The following GALNT16 variants were observed in gnomAD, a reference collection of about 807,000 sequenced individuals.
GALNT16 encodes the protein UDP-GalNAc:polypeptide N-acetylgalactosaminyltransferase-like protein 1.
GALNT16 carries 40 observed loss-of-function variants against 76.1 expected under a neutral mutation model. That is an observed-to-expected ratio of 0.53 (90% CI 0.41 to 0.68). The LOEUF (loss-of-function observed/expected upper bound fraction) is 0.68, where lower values mean the gene tolerates loss of function less well. GALNT16 is among the 30% of genes least tolerant of loss of function. The pLI is 0.00. For synonymous variants in GALNT16, 276 were observed against 285.2 expected (o/e 0.97, Z 0.32); for missense variants, 621 against 731.9 (o/e 0.85, Z 1.75).
chr14:69,366,083 T>C, the GALNT16 span, among the ~76,000 whole-genome samples: 1 of 152,196 alleles, frequency 6.6e-6, no homozygotes, highest in Admixed American at 6.5e-5. Context: ...CAGTTGGCAT[T>C]TGATGCAAGA....
chr14:69,270,575 G>A (rs2044394661), intron 1 of GALNT16, among the ~76,000 whole-genome samples: 1 of 152,192 alleles, frequency 6.6e-6, no homozygotes, highest in Admixed American at 6.5e-5. Context: ...GATATTTCAA[G>A]GTCTTTCATG....
the GALNT16 span, chr14:69,380,183 T>G: frequency 2.8e-5 from 5 of 180,312 alleles, no homozygotes; most frequent in African/African-American, 4.7e-5. Flanking sequence ...AGGACATGGC[T>G]AAACTGCATT....
At chr14:69,380,865 AT>A in the GALNT16 span, among the ~76,000 whole-genome samples, 1 of 152,244 alleles carries the variant, frequency 6.6e-6, no homozygotes, top group Non-Finnish European at 1.5e-5. Flanking sequence ...ATGACTTAGA[AT>A]TTTTAAGTTA....
At chr14:69,338,206 G>A (rs1331291382) in intron 9 of GALNT16, among the ~76,000 whole-genome samples, 1 of 152,228 alleles carries the variant, frequency 6.6e-6, no homozygotes, top group East Asian at 1.9e-4. Flanking sequence ...CCCAAGAGGT[G>A]CCAGCTGGAG....
chr14:69,262,120 C>G (rs2044282476), intron 1 of GALNT16, among the ~76,000 whole-genome samples: 1 of 152,226 alleles, frequency 6.6e-6, no homozygotes, highest in Non-Finnish European at 1.5e-5. Context: ...GAGCCCTAGT[C>G]TCAGGCAAGG....
At chr14:69,285,110 G>A (rs927929036) in intron 1 of GALNT16, among the ~76,000 whole-genome samples, 18 of 144,710 alleles carry the variant, frequency 1.2e-4, no homozygotes, top group Admixed American at 1.2e-3. Flanking sequence ...GCAAGATCTC[G>A]GCTCACTGCA....
intron 1 of GALNT16, among the ~76,000 whole-genome samples, chr14:69,275,243 T>TAG: frequency 6.6e-6 from 1 of 152,256 alleles, no homozygotes; most frequent in East Asian, 1.9e-4. Flanking sequence ...CTCTCCAAAG[T>TAG]AGAACCCCTG....
In GALNT16 at chr14:69,319,552, A is replaced by G. The variant is rs375749922; in HGVS notation, c.178-1159A>G. ...AGTTGGGATGTACCCACAGTTGATG[A>G]TATTTCATGGCACTCTGGAGAACAT... On this transcript the variant is annotated intron_variant, in intron 1 of 14. Transcript: ENST00000448469. Among the ~76,000 whole-genome samples the G allele has an allele frequency of 1.9e-4, 29 of 152,346 alleles. No homozygotes were observed. In the South Asian group the frequency reaches 6.0e-3, roughly 32 times the overall value.
intron 1 of GALNT16, among the ~76,000 whole-genome samples, chr14:69,272,811 C>T (rs766674362): frequency 2.6e-5 from 4 of 152,198 alleles, no homozygotes; most frequent in Non-Finnish European, 5.9e-5. Flanking sequence ...GTGTTACCAT[C>T]GCCTACCATT....
At chr14:69,262,084 G>T (rs1037105638) in intron 1 of GALNT16, among the ~76,000 whole-genome samples, 1 of 152,216 alleles carries the variant, frequency 6.6e-6, no homozygotes, top group African/African-American at 2.4e-5. Context: ...AGCCCAGGCT[G>T]CCACATTCAT....
At chr14:69,301,324 C>T (rs537485606) in intron 1 of GALNT16, among the ~76,000 whole-genome samples, 116 of 152,288 alleles carry the variant, frequency 7.6e-4, no homozygotes, top group Non-Finnish European at 1.3e-3. Context: ...AGAACCATTG[C>T]CTCAGGGACA....
intron 14 of GALNT16, 89 bp downstream of exon 14, chr14:69,348,091 G>C: frequency 7.3e-7 from 1 of 1,374,000 alleles, no homozygotes; most frequent in South Asian, 1.2e-5. Flanking sequence ...GCCCCTGATT[G>C]ACTCAAATAA....
chr14:69,282,233 G>C (rs2044553185), intron 1 of GALNT16, among the ~76,000 whole-genome samples: 1 of 152,206 alleles, frequency 6.6e-6, no homozygotes, highest in African/African-American at 2.4e-5. Context: ...ACACAGTGTT[G>C]TGTGGCGTTG....
chr14:69,260,136 A>ACCTCCCCC, upstream of GALNT16: 3 of 113,994 alleles, frequency 2.6e-5, 1 homozygote, highest in South Asian at 2.2e-4. Flanking sequence ...TCTCCCTATC[A>ACCTCCCCC]CCCCCCCGCC....
chr14:69,371,956 A>C, the GALNT16 span, among the ~76,000 whole-genome samples: 1 of 152,136 alleles, frequency 6.6e-6, no homozygotes, highest in East Asian at 1.9e-4. Flanking sequence ...AAAATAAAAA[A>C]ATAAATAATA....
intron 6 of GALNT16, among the ~76,000 whole-genome samples, chr14:69,331,218 A>G (rs1273096157): frequency 3.9e-5 from 6 of 152,176 alleles, no homozygotes; most frequent in Non-Finnish European, 7.4e-5. Flanking sequence ...GCAGGGCTCA[A>G]AATAATGTGT....
In GALNT16 at chr14:69,325,255, G is replaced by GT. The variant is rs534249962; in HGVS notation, c.435-82_435-81insT. ...CTGGCCCTGGAGCTGGGCGGCTGGG[G>GT]AGTCCCACGGCCCCGGGAGTGGTAA... On this transcript the variant is annotated intron_variant, in intron 3 of 14. Transcript: ENST00000448469. 167 of 855,896 alleles carry GT rather than the reference G, an allele frequency of 2.0e-4. 1 individual carries two copies. The East Asian group carries it at 2.8e-3, about 14-fold the overall frequency. 53.0% of individuals were successfully genotyped at this position (855,896 alleles called of 1,614,324 possible). A position where few individuals can be genotyped will look rare whatever the true frequency, so the allele number is the denominator to read the frequency against.
chr14:69,327,394 C>T (rs942209157), intron 5 of GALNT16, among the ~76,000 whole-genome samples: 2 of 152,132 alleles, frequency 1.3e-5, no homozygotes, highest in Non-Finnish European at 2.9e-5. Context: ...CCAGTCAGGC[C>T]AAGGGGCCAC....
chr14:69,263,086 C>T (rs537047223), intron 1 of GALNT16, among the ~76,000 whole-genome samples: 1 of 151,914 alleles, frequency 6.6e-6, no homozygotes. Context: ...CATCATGTTG[C>T]CCAGGCTGGT....
Sources: gnomAD v4.1 joint callset for allele counts (sites outside exome capture counted in the v4.1 genomes callset) on GRCh38, gnomAD v4.1.1 for gene constraint, MANE v1.5 for transcripts, NCBI Gene and HGNC (gene_info 2026-07-23, HGNC 2026-07-21) for gene names.